BABAM2: variants seen among roughly 807,000 people sequenced by gnomAD.
The protein encoded by BABAM2 is BRISC and BRCA1 A complex member 2, also known as BRISC and BRCA1-A complex member 2.
In BABAM2, 31 loss-of-function variants were observed where a neutral mutation model predicts 54.7. The ratio of observed to expected loss-of-function variants is 0.57; its 90% CI spans 0.43 to 0.77. The LOEUF is 0.77. BABAM2 is among the 30% of genes least tolerant of loss of function. The probability of loss-of-function intolerance (pLI) is 0.00; values close to 1 mark genes in which losing one functional copy is unlikely to be tolerated. For synonymous variants in BABAM2, 167 were observed against 162.9 expected (o/e 1.03, Z -0.19); for missense variants, 364 against 455.8 (o/e 0.80, Z 1.83).
At chr2:28,113,196 C>G (rs1458595478) in intron 6 of BABAM2, among the ~76,000 whole-genome samples, 1 of 152,142 alleles carries the variant, frequency 6.6e-6, no homozygotes, top group Non-Finnish European at 1.5e-5. Flanking sequence ...TGCAGAAGCT[C>G]TTTAGTTTAA....
At chr2:28,337,333 A>G (rs2148348096) in intron 11 of BABAM2, among the ~76,000 whole-genome samples, 1 of 151,934 alleles carries the variant, frequency 6.6e-6, no homozygotes, top group South Asian at 2.1e-4. Flanking sequence ...TGCTGCATGG[A>G]CTGTGGCCCG....
At chr2:28,308,479 A>G (rs187034428) in intron 11 of BABAM2, 362 of 529,228 alleles carry the variant, frequency 6.8e-4, no homozygotes, top group Non-Finnish European at 1.2e-3. Context: ...GCCAACAAGC[A>G]CCAGATCAAA....
At chr2:28,243,453 A>G (rs1573916870) in intron 9 of BABAM2, among the ~76,000 whole-genome samples, 1 of 151,978 alleles carries the variant, frequency 6.6e-6, no homozygotes, top group East Asian at 1.9e-4. Context: ...AATCTCTTGA[A>G]CCCGGGAGGC....
intron 3 of BABAM2, among the ~76,000 whole-genome samples, chr2:27,982,169 C>G (rs1672054261): frequency 6.6e-6 from 1 of 151,984 alleles, no homozygotes; most frequent in Non-Finnish European, 1.5e-5. Flanking sequence ...GGAGAAATAC[C>G]TGTTCAGACC....
chr2:27,894,520 C>T lies in BABAM2; in HGVS notation c.-24-13C>T. ...TGTAAGCCCTGATCATTATTCTTTC[C>T]TTCTGCTTTCAGTGGTGATTTACAA... is the stretch of plus-strand genomic sequence containing the variant. On this transcript the variant is annotated splice_polypyrimidine_tract_variant and intron_variant, in intron 1 of 11. Transcript: ENST00000379624. The T allele has an allele frequency of 6.2e-7, 1 of 1,611,740 alleles. No individual in the cohort carries two copies. Among genetic ancestry groups the T allele is most frequent in the Non-Finnish European group, 8.5e-7 (1 of 1,177,920 alleles).
chr2:28,102,169 C>T (rs115357587), intron 6 of BABAM2, among the ~76,000 whole-genome samples: 1,771 of 152,226 alleles, frequency 0.012, 29 homozygotes, highest in African/African-American at 0.041. Context: ...GTGCCTGACA[C>T]GTAGAAGTGC....
At chr2:28,234,501 A>G (rs890630282) in intron 7 of BABAM2, among the ~76,000 whole-genome samples, 2 of 152,208 alleles carry the variant, frequency 1.3e-5, no homozygotes, top group Admixed American at 6.5e-5. Flanking sequence ...CCTTCCATGT[A>G]TATAATTTAA....
chr2:27,984,852 C>T (rs540441294), intron 3 of BABAM2, among the ~76,000 whole-genome samples: 1 of 151,952 alleles, frequency 6.6e-6, no homozygotes, highest in Non-Finnish European at 1.5e-5. Flanking sequence ...CTCCTCCCAC[C>T]CTTTCCCTCG....
intron 10 of BABAM2, among the ~76,000 whole-genome samples, chr2:28,246,160 G>A (rs531975020): frequency 4.6e-5 from 7 of 152,152 alleles, no homozygotes; most frequent in African/African-American, 1.7e-4. Flanking sequence ...GTGGGGCCAG[G>A]TAAGGAGGAA....
At chr2:28,106,073 A>G (rs1667498966) in intron 6 of BABAM2, among the ~76,000 whole-genome samples, 2 of 152,068 alleles carry the variant, frequency 1.3e-5, no homozygotes, top group Admixed American at 6.6e-5. Context: ...TGCTGGTGTG[A>G]TGGCCTTCAC....
chr2:28,258,034 T>C lies in BABAM2; in HGVS notation c.934+13172T>C, dbSNP rs760253775. Among the ~76,000 whole-genome samples the C allele has an allele frequency of 3.6e-4, 54 of 152,018 alleles. 1 individual carries two copies. The highest frequency in any genetic ancestry group is 7.8e-4 in the Non-Finnish European group (53 of 67,970). On this transcript the variant is annotated intron_variant, in intron 10 of 11. Transcript: ENST00000379624. Reference sequence around the variant, plus strand: ...TCTACTAAAAATACAAAAATTAGTCTGGCATGGCAGCAGGCACTTGTAATC... The same window carrying C: ...TCTACTAAAAATACAAAAATTAGTCCGGCATGGCAGCAGGCACTTGTAATC...
chr2:28,286,747 C>G (rs1261990721), intron 10 of BABAM2, among the ~76,000 whole-genome samples: 2 of 152,210 alleles, frequency 1.3e-5, no homozygotes, highest in Admixed American at 6.5e-5. Flanking sequence ...GTTGACACCT[C>G]TGTTATAACC....
At chr2:28,056,647 G>A (rs979395123) in intron 6 of BABAM2, among the ~76,000 whole-genome samples, 6 of 151,974 alleles carry the variant, frequency 3.9e-5, no homozygotes, top group Admixed American at 6.6e-5. Context: ...GAATTAGTTC[G>A]TTCACAATTG....
intron 4 of BABAM2, among the ~76,000 whole-genome samples, chr2:27,993,408 A>C (rs940125744): frequency 6.6e-6 from 1 of 152,146 alleles, no homozygotes; most frequent in Admixed American, 6.5e-5. Flanking sequence ...AAGTAGAAAA[A>C]AAATTTAGAG....
chr2:28,305,259 G>A (rs1168965360), intron 11 of BABAM2, among the ~76,000 whole-genome samples: 1 of 152,024 alleles, frequency 6.6e-6, no homozygotes, highest in Non-Finnish European at 1.5e-5. Context: ...AATGGGTGTT[G>A]AATTCCATAG....
chr2:28,173,029 C>G (rs1271080778), intron 7 of BABAM2, among the ~76,000 whole-genome samples: 2 of 152,150 alleles, frequency 1.3e-5, no homozygotes, highest in Admixed American at 1.3e-4. Context: ...TGTGAACTGT[C>G]TGGTTTCCGG....
rs555550438 is a variant in BABAM2 at position 28,002,133 on chromosome 2, G to A, written c.300+14046G>A. Among the ~76,000 whole-genome samples the A allele has an allele frequency of 2.2e-3, 338 of 151,784 alleles. 2 individuals are homozygous for A. In the South Asian group the frequency reaches 0.023, roughly 10 times the overall value. On this transcript the variant is annotated intron_variant, in intron 4 of 11. Coordinates refer to ENST00000379624, the MANE Select transcript of BABAM2 (RefSeq NM_199191.3). ...CAGGGGTAGAACTAGCTTGGGGTGC[G>A]AATAGTTTTAGGGCTTAAACAATGT...
intron 1 of BABAM2, among the ~76,000 whole-genome samples, chr2:27,893,061 G>C (rs977224909): frequency 3.3e-5 from 5 of 152,178 alleles, no homozygotes; most frequent in Admixed American, 6.5e-5. Context: ...GCAAGGACTT[G>C]TAAGTTTTCA....
intron 7 of BABAM2, among the ~76,000 whole-genome samples, chr2:28,184,813 T>G (rs540271438): frequency 6.6e-6 from 1 of 152,336 alleles, no homozygotes; most frequent in Admixed American, 6.5e-5. Context: ...AGCAGCATGA[T>G]TTATAATCCT....
Sources: gnomAD v4.1 joint callset for allele counts (sites outside exome capture counted in the v4.1 genomes callset) on GRCh38, gnomAD v4.1.1 for gene constraint, MANE v1.5 for transcripts, NCBI Gene and HGNC (gene_info 2026-07-23, HGNC 2026-07-21) for gene names.